Variants in FHIT observed in about 807,000 individuals in gnomAD.
FHIT encodes bis(5'-adenosyl)-triphosphatase.
FHIT carries 19 observed loss-of-function variants against 17.9 expected under a neutral mutation model. The observed-to-expected ratio is 1.06, with a 90% CI of 0.74 to 1.56. The LOEUF is 1.56. FHIT is among the 40% of genes most tolerant of loss of function. FHIT has a pLI of 0.00. For synonymous variants in FHIT, 81 were observed against 69.7 expected, an observed-to-expected ratio of 1.16 and a Z score of -0.81; for missense variants, 248 against 189.2, an observed-to-expected ratio of 1.31 and a Z score of -1.82.
At chr3:60,100,990 A>C (rs1236329351) in intron 5 of FHIT, among the ~76,000 whole-genome samples, 1 of 151,928 alleles carries the variant, frequency 6.6e-6, no homozygotes, top group East Asian at 1.9e-4. Context: ...ATTCTTGTTG[A>C]CTCTATTTCT....
chr3:60,728,139 C>A (rs1453689272), intron 4 of FHIT, among the ~76,000 whole-genome samples: 1 of 152,160 alleles, frequency 6.6e-6, no homozygotes, highest in Non-Finnish European at 1.5e-5. Flanking sequence ...TGTAAAAATT[C>A]TTCTACCAGC....
intron 3 of FHIT, among the ~76,000 whole-genome samples, chr3:60,870,458 A>G (rs1170738463): frequency 6.6e-6 from 1 of 152,142 alleles, no homozygotes; most frequent in African/African-American, 2.4e-5. Context: ...TAATGTAGGG[A>G]CACGGCACCC....
chr3:60,516,627 G>C (rs1443216675), intron 5 of FHIT, among the ~76,000 whole-genome samples: 2 of 152,142 alleles, frequency 1.3e-5, no homozygotes, highest in African/African-American at 4.8e-5. Context: ...ATAAAATGGA[G>C]ATACCAACAG....
chr3:59,785,312 C>CTTT (rs35748189), intron 8 of FHIT, among the ~76,000 whole-genome samples: 3 of 133,512 alleles, frequency 2.2e-5, no homozygotes, highest in Non-Finnish European at 3.2e-5. Context: ...GCAATCTTGC[C>CTTT]TTTTTTTTTT....
At chr3:59,995,677 A>G (rs1196441359) in intron 7 of FHIT, among the ~76,000 whole-genome samples, 1 of 152,090 alleles carries the variant, frequency 6.6e-6, no homozygotes, top group Non-Finnish European at 1.5e-5. Flanking sequence ...TTGGAGAAAA[A>G]CTGTGGATCT....
intron 3 of FHIT, among the ~76,000 whole-genome samples, chr3:60,937,500 C>A (rs1708238078): frequency 6.7e-6 from 1 of 149,360 alleles, no homozygotes; most frequent in African/African-American, 2.4e-5. Flanking sequence ...TGTGAGCTCA[C>A]AGAATGTCTG....
chr3:60,916,236 T>G (rs2107293186), intron 3 of FHIT, among the ~76,000 whole-genome samples: 1 of 152,306 alleles, frequency 6.6e-6, no homozygotes, highest in Non-Finnish European at 1.5e-5. Context: ...TACATAGAAT[T>G]TTGTGCACCT....
chr3:60,902,726 T>C (rs116067296), intron 3 of FHIT, among the ~76,000 whole-genome samples: 92 of 152,324 alleles, frequency 6.0e-4, no homozygotes, highest in African/African-American at 2.0e-3. Context: ...GTGGATGAGA[T>C]ACCTTCCTAA....
intron 4 of FHIT, among the ~76,000 whole-genome samples, chr3:60,760,643 A>C (rs1449779946): frequency 1.3e-5 from 2 of 152,216 alleles, no homozygotes; most frequent in African/African-American, 4.8e-5. Flanking sequence ...AGAAAAGAAA[A>C]AGTAATGCCC....
intron 2 of FHIT, among the ~76,000 whole-genome samples, chr3:61,166,399 C>T (rs1055671018): frequency 1.1e-4 from 17 of 152,130 alleles, no homozygotes; most frequent in African/African-American, 4.1e-4. Context: ...TACCACCTTG[C>T]CAAGGAAACA....
chr3:60,442,984 T>G (rs1240703217), intron 5 of FHIT, among the ~76,000 whole-genome samples: 1 of 152,148 alleles, frequency 6.6e-6, no homozygotes, highest in Non-Finnish European at 1.5e-5. Flanking sequence ...GAAGAGGTCC[T>G]TCACATCCCT....
At position 60,204,444 on chromosome 3, in the gene FHIT, G is replaced by T. The variant is rs978271963; in HGVS notation, c.104-190292C>A. 6.3e-3 allele frequency among the ~76,000 whole-genome samples: 720 copies of T among 115,022 alleles called. 13 individuals carry two copies. Among genetic ancestry groups the T allele is most frequent in the Admixed American group, 0.042 (498 of 11,988 alleles). 75.5% of individuals were successfully genotyped at this position (115,022 alleles called of 152,430 possible). ...ATCACCATGCCCAGCTAATATTCTG[G>T]TTTTTTTTTTTTTGTTTTGTTTTTT... On this transcript the variant is annotated intron_variant, in intron 5 of 9. Coordinates refer to ENST00000492590, the MANE Select transcript of FHIT (RefSeq NM_002012.4).
At chr3:60,265,318 C>A (rs1706515441) in intron 5 of FHIT, among the ~76,000 whole-genome samples, 1 of 151,850 alleles carries the variant, frequency 6.6e-6, no homozygotes, top group Non-Finnish European at 1.5e-5. Context: ...ATTAAGCAAA[C>A]AGAGAAAGAG....
chr3:61,217,950 C>T (rs1030524076), intron 1 of FHIT, among the ~76,000 whole-genome samples: 2 of 152,134 alleles, frequency 1.3e-5, no homozygotes, highest in Admixed American at 6.5e-5. Flanking sequence ...TTAACTAAAT[C>T]CCACTGGATG....
At chr3:60,509,775 T>C (rs1214683937) in intron 5 of FHIT, among the ~76,000 whole-genome samples, 1 of 152,246 alleles carries the variant, frequency 6.6e-6, no homozygotes, top group Non-Finnish European at 1.5e-5. Context: ...ATCTGTTTCA[T>C]TTTCAGAGAA....
chr3:60,287,685 T>C (rs886734857), intron 5 of FHIT, among the ~76,000 whole-genome samples: 7 of 152,118 alleles, frequency 4.6e-5, no homozygotes, highest in Admixed American at 3.9e-4. Context: ...TCAAGTATTA[T>C]GTGCATATAG....
At chr3:60,497,166 C>T (rs945602788) in intron 5 of FHIT, among the ~76,000 whole-genome samples, 10 of 151,920 alleles carry the variant, frequency 6.6e-5, no homozygotes, top group Non-Finnish European at 8.8e-5. Context: ...TGCTGCTAAA[C>T]ACTTACAGTG....
chr3:60,892,450 T>C (rs987389999), intron 3 of FHIT, among the ~76,000 whole-genome samples: 20 of 152,280 alleles, frequency 1.3e-4, no homozygotes, highest in Admixed American at 1.3e-3. Flanking sequence ...CTTGGAGCTT[T>C]ACCTCTGGGT....
At chr3:60,185,069 T>C (rs981229554) in intron 5 of FHIT, among the ~76,000 whole-genome samples, 8 of 152,196 alleles carry the variant, frequency 5.3e-5, no homozygotes, top group African/African-American at 1.9e-4. Flanking sequence ...GAATTTGCCA[T>C]TTCTCCAAAG....
Sources: gnomAD v4.1 joint callset for allele counts (sites outside exome capture counted in the v4.1 genomes callset) on GRCh38, gnomAD v4.1.1 for gene constraint, MANE v1.5 for transcripts, NCBI Gene and HGNC (gene_info 2026-07-23, HGNC 2026-07-21) for gene names.